Variants in MYO1D observed in about 807,000 individuals in gnomAD.
MYO1D encodes the protein unconventional myosin-Id.
MYO1D carries 83 observed loss-of-function variants against 122.0 expected under a neutral mutation model. The ratio of observed to expected loss-of-function variants is 0.68; its 90% CI spans 0.57 to 0.82. MYO1D has a LOEUF of 0.82. MYO1D is among the 40% of genes least tolerant of loss of function. The pLI is 0.00. For synonymous variants in MYO1D, 464 were observed against 446.9 expected (o/e 1.04, Z -0.48); for missense variants, 1,157 against 1,269.5 (o/e 0.91, Z 1.35).
intron 1 of MYO1D, among the ~76,000 whole-genome samples, chr17:32,818,434 A>G (rs1389767912): frequency 6.6e-6 from 1 of 152,178 alleles, no homozygotes; most frequent in African/African-American, 2.4e-5. Context: ...CCACCACTTG[A>G]GATGACACTG....
chr17:32,641,023 T>C (rs865961879), intron 19 of MYO1D, among the ~76,000 whole-genome samples: 1 of 152,126 alleles, frequency 6.6e-6, no homozygotes, highest in East Asian at 1.9e-4. Context: ...GCCATGTTGG[T>C]GTGCTGCACC....
intron 21 of MYO1D, among the ~76,000 whole-genome samples, chr17:32,515,819 G>C (rs1909872376): frequency 1.3e-5 from 2 of 152,140 alleles, no homozygotes; most frequent in Non-Finnish European, 2.9e-5. Flanking sequence ...ACCAAGCCCA[G>C]AACACGGAGA....
intron 16 of MYO1D, among the ~76,000 whole-genome samples, chr17:32,662,722 C>T (rs576086193): frequency 8.6e-5 from 13 of 151,882 alleles, no homozygotes; most frequent in Non-Finnish European, 1.5e-4. Context: ...CCTTCTGTGC[C>T]TTAGTTTTCT....
At chr17:32,849,616 G>A (rs1348107147) in intron 1 of MYO1D, among the ~76,000 whole-genome samples, 2 of 150,632 alleles carry the variant, frequency 1.3e-5, no homozygotes, top group Non-Finnish European at 2.9e-5. Context: ...TGAACAATGA[G>A]ATCACATGGA....
At chr17:32,798,586 C>A (rs2090437028) in intron 1 of MYO1D, among the ~76,000 whole-genome samples, 1 of 152,162 alleles carries the variant, frequency 6.6e-6, no homozygotes, top group Non-Finnish European at 1.5e-5. Context: ...TTGATGCCAA[C>A]AGCCCCTAAA....
intron 20 of MYO1D, among the ~76,000 whole-genome samples, chr17:32,625,792 A>G (rs1567916360): frequency 6.6e-6 from 1 of 152,130 alleles, no homozygotes. Context: ...CAGCTTCCCA[A>G]AGTGTTGGGA....
chr17:32,638,728 T>C lies in MYO1D; in HGVS notation c.2703A>G (p.Leu901=), dbSNP rs746720934. The C allele has an allele frequency of 5.6e-6, 9 of 1,608,604 alleles. No individual in the cohort carries two copies. Among genetic ancestry groups the C allele is most frequent in the African/African-American group, 4.0e-5 (3 of 74,820 alleles). ...KQYKVMKTIP[L]YNLTGLSVSN... ...AGAAGCACAGAGGACTTACATTGTA[T>C]AGAGGGATAGTCTTCATCACCTTGT... The change falls in exon 20 of 22, where the codon CTA becomes CTG. Residue 901 remains leucine (L), a synonymous_variant. Transcript: ENST00000318217.
intron 21 of MYO1D, among the ~76,000 whole-genome samples, chr17:32,568,225 T>C (rs1349428007): frequency 6.7e-6 from 1 of 149,126 alleles, no homozygotes; most frequent in Non-Finnish European, 1.5e-5. Flanking sequence ...GCAGCTAGCA[T>C]TATTTCTGAA....
intron 21 of MYO1D, among the ~76,000 whole-genome samples, chr17:32,584,053 C>G (rs1236269110): frequency 2.6e-5 from 4 of 152,212 alleles, no homozygotes; most frequent in Non-Finnish European, 5.9e-5. Flanking sequence ...ATCCCCCAGC[C>G]TCAGCCTCCC....
intron 16 of MYO1D, among the ~76,000 whole-genome samples, chr17:32,673,090 CTTTTTTTTTTTTTTTTTTTTTTT>C (rs60912187): frequency 6.6e-4 from 19 of 28,652 alleles, no homozygotes; most frequent in Non-Finnish European, 1.5e-3. Flanking sequence ...AAACATGCTA[CTTTTTTTTTTTTTTTTTTTTTTT>C]TTTTTTTTTT....
At chr17:32,812,867 T>G (rs2090583893) in intron 1 of MYO1D, among the ~76,000 whole-genome samples, 3 of 152,234 alleles carry the variant, frequency 2.0e-5, no homozygotes, top group East Asian at 3.8e-4. Flanking sequence ...AGCACTAGAC[T>G]AGGTAGAGAC....
At chr17:32,682,634 T>C (rs1316918557) in intron 16 of MYO1D, among the ~76,000 whole-genome samples, 1 of 143,888 alleles carries the variant, frequency 6.9e-6, no homozygotes, top group Non-Finnish European at 1.5e-5. Flanking sequence ...GTTAGTCTGA[T>C]GGGCTTCCCT....
chr17:32,626,739 T>C (rs1387887183), intron 20 of MYO1D, among the ~76,000 whole-genome samples: 1 of 152,202 alleles, frequency 6.6e-6, no homozygotes, highest in Non-Finnish European at 1.5e-5. Context: ...TCTGAACACA[T>C]GTCAGGAAAA....
Position 32,662,046 on chromosome 17 carries a change from A to G in MYO1D, c.2122-2708T>C, listed in dbSNP as rs533481065. ...GCTAATTTTTGCCAAATGCTCTTAC[A>G]GACCCATCAAATGATTAGCAGTAAT... On this transcript the variant is annotated intron_variant, in intron 16 of 21. Coordinates refer to ENST00000318217, the MANE Select transcript of MYO1D (RefSeq NM_015194.3). 1.1e-4 allele frequency among the ~76,000 whole-genome samples: 17 copies of G among 152,302 alleles called. No homozygotes were observed. In the South Asian group the frequency reaches 2.3e-3, roughly 20 times the overall value.
chr17:32,859,489 G>A (rs2091052479), intron 1 of MYO1D, among the ~76,000 whole-genome samples: 1 of 152,192 alleles, frequency 6.6e-6, no homozygotes, highest in Non-Finnish European at 1.5e-5. Context: ...TGGGATGGAT[G>A]CCTACCTTGC....
chr17:32,823,084 G>A (rs1274636552), intron 1 of MYO1D, among the ~76,000 whole-genome samples: 1 of 152,092 alleles, frequency 6.6e-6, no homozygotes, highest in African/African-American at 2.4e-5. Context: ...ATTCAGGAAG[G>A]GGTGATCATG....
intron 21 of MYO1D, among the ~76,000 whole-genome samples, chr17:32,532,595 C>CG (rs1431404380): frequency 2.6e-5 from 4 of 151,660 alleles, no homozygotes; most frequent in Non-Finnish European, 5.9e-5. Context: ...GGCGTGGTGG[C>CG]GGCGCCTGTA....
intron 17 of MYO1D, among the ~76,000 whole-genome samples, chr17:32,655,908 T>C (rs1282988177): frequency 6.6e-6 from 1 of 152,126 alleles, no homozygotes; most frequent in Non-Finnish European, 1.5e-5. Flanking sequence ...TGGAGGTAAG[T>C]GTTGGTTCTG....
chr17:32,783,064 T>C (rs1390642318), intron 1 of MYO1D, among the ~76,000 whole-genome samples: 4 of 152,262 alleles, frequency 2.6e-5, no homozygotes, highest in Non-Finnish European at 2.9e-5. Context: ...TTTTTCTGGC[T>C]TAACCTGCAA....
Sources: gnomAD v4.1 joint callset for allele counts (sites outside exome capture counted in the v4.1 genomes callset) on GRCh38, gnomAD v4.1.1 for gene constraint, MANE v1.5 for transcripts, NCBI Gene and HGNC (gene_info 2026-07-23, HGNC 2026-07-21) for gene names.